Variants in TOGARAM2 observed in about 807,000 individuals in gnomAD.
TOGARAM2 encodes TOG array regulator of axonemal microtubules protein 2.
TOGARAM2 carries 85 observed loss-of-function variants against 93.3 expected under a neutral mutation model. The ratio of observed to expected loss-of-function variants is 0.91; its 90% confidence interval spans 0.76 to 1.09. The LOEUF (loss-of-function observed/expected upper bound fraction) is 1.09, where lower values mean the gene tolerates loss of function less well. Ranked by LOEUF, TOGARAM2 falls within the 50% of genes least tolerant of loss-of-function variation. TOGARAM2 has a pLI of 0.00. For missense variants in TOGARAM2, 1,277 were observed against 1,334.5 expected, an observed-to-expected ratio of 0.96 and a Z score of 0.67; for synonymous variants, 593 against 552.8, an observed-to-expected ratio of 1.07 and a Z score of -1.02.
chr2:28,957,330 G>A (rs1170396876), intron 1 of TOGARAM2, among the ~76,000 whole-genome samples: 4 of 152,006 alleles, frequency 2.6e-5, no homozygotes, highest in South Asian at 2.1e-4. Context: ...ACAGGCGCCC[G>A]CCACCACGCC....
intron 18 of TOGARAM2, among the ~76,000 whole-genome samples, chr2:29,037,415 A>G (rs1470188745): frequency 6.6e-6 from 1 of 152,232 alleles, no homozygotes. Flanking sequence ...AGCTTTCCCA[A>G]ACAAGCCTTG....
intron 14 of TOGARAM2, among the ~76,000 whole-genome samples, chr2:29,028,514 C>T (rs892657292): frequency 2.6e-5 from 4 of 152,184 alleles, no homozygotes; most frequent in Admixed American, 2.0e-4. Context: ...AATTTTTATC[C>T]ATCTAATGGG....
At position 29,036,777 on chromosome 2, in the gene TOGARAM2, C is replaced by T. The variant is rs1249342176; in HGVS notation, c.2635+20C>T. On this transcript the variant is annotated intron_variant, in intron 18 of 19. Transcript: ENST00000379558. ...GCCTGGGTGAGTGTCCCACGTGGGC[C>T]TGTGTGGCTCTGGTCACCATGTCCA... The T allele has an allele frequency of 1.2e-6, 2 of 1,600,862 alleles. No homozygotes were observed. The highest frequency in any genetic ancestry group is 2.3e-5 in the East Asian group (1 of 44,400).
chr2:28,975,879 C>T (rs1048136281), intron 1 of TOGARAM2, among the ~76,000 whole-genome samples: 7 of 152,156 alleles, frequency 4.6e-5, no homozygotes, highest in African/African-American at 7.2e-5. Context: ...CTATGCCTTT[C>T]CTCATTGCTG....
At chr2:28,972,074 A>G (rs1030863631) in intron 1 of TOGARAM2, among the ~76,000 whole-genome samples, 3 of 152,036 alleles carry the variant, frequency 2.0e-5, no homozygotes, top group Admixed American at 2.0e-4. Context: ...TGAGTTCAGT[A>G]TTATTTATTT....
At chr2:29,005,987 A>ATGTGTGTGGAGTGTG (rs1553339155) in intron 6 of TOGARAM2, among the ~76,000 whole-genome samples, 4 of 28,334 alleles carry the variant, frequency 1.4e-4, no homozygotes, top group Non-Finnish European at 4.9e-4. Flanking sequence ...GTATGAGTGC[A>ATGTGTGTGGAGTGTG]TGTGTAGGGT....
chr2:29,043,640 T>A (rs1320878796), intron 18 of TOGARAM2, among the ~76,000 whole-genome samples: 2 of 152,164 alleles, frequency 1.3e-5, no homozygotes, highest in African/African-American at 2.4e-5. Context: ...GCCACATCTC[T>A]GAAAAATGCA....
At position 29,003,680 on chromosome 2, in the gene TOGARAM2, G is replaced by T; in HGVS notation, c.828G>T (p.Thr276=). The change falls in exon 6 of 20, where the codon ACG becomes ACT. Residue 276 remains threonine, a splice_region_variant and synonymous_variant. Coordinates refer to ENST00000379558, the MANE Select transcript of TOGARAM2 (RefSeq NM_199280.4). ...TCACAGGCCTGAGGGCCCCACGCAC[G>T]CGGTAAGAGCTCCAAGTCAAACCTT... ...GVLTGLRAPR[T]RLARGSGPRE... is the part of the protein sequence containing the mutation. 6.6e-7 allele frequency: 1 copy of T among 1,524,750 alleles called. No homozygotes were observed. The highest frequency in any genetic ancestry group is 1.4e-5 in the African/African-American group (1 of 70,268). 94.5% of individuals were successfully genotyped at this position (1,524,750 alleles called of 1,614,324 possible). A position where few individuals can be genotyped will look rare whatever the true frequency, so the allele number is the denominator to read the frequency against.
chr2:29,050,702 C>T (rs12714256), intron 19 of TOGARAM2: 30,567 of 152,216 alleles, frequency 0.2, 4,156 homozygotes, highest in Middle Eastern at 0.36. Flanking sequence ...TGTTTGCCTG[C>T]CCCAGCACTT....
At chr2:29,039,965 CCCCTGGT>C (rs1255476305) in intron 18 of TOGARAM2, among the ~76,000 whole-genome samples, 4 of 152,200 alleles carry the variant, frequency 2.6e-5, no homozygotes, top group Admixed American at 2.6e-4. Flanking sequence ...TTTACTCCAG[CCCCTGGT>C]CAGTACTGGA....
At chr2:28,978,095 C>CG (rs1233562752), upstream of TOGARAM2, among the ~76,000 whole-genome samples, 2 of 152,072 alleles carry the variant, frequency 1.3e-5, no homozygotes, top group African/African-American at 4.8e-5. Context: ...TTGGTAGAGA[C>CG]GGGGTTTTAC....
intron 7 of TOGARAM2, among the ~76,000 whole-genome samples, chr2:29,012,017 C>A (rs1307221516): frequency 6.6e-6 from 1 of 152,166 alleles, no homozygotes; most frequent in Non-Finnish European, 1.5e-5. Context: ...GCCAGCTGGC[C>A]CCAGGAGCTT....
At chr2:29,048,598 C>CT (rs1666881572) in intron 19 of TOGARAM2, 1 of 151,124 alleles carries the variant, frequency 6.6e-6, no homozygotes, top group Non-Finnish European at 1.5e-5. Flanking sequence ...TACAGTTTGT[C>CT]TTTTTGTGTC....
rs542884546 is a variant in TOGARAM2 at position 29,051,872 on chromosome 2, G to A, written c.2839G>A (p.Gly947Arg). The stretch of plus-strand genomic sequence containing the variant: ...GAATGGCACCCTGCCTGGACCCAGC[G>A]GGAACATCCGCGGGGTGGTGTGCCG... ...TRNGTLPGPS[G>R]NIRGVVCRLS... Residue 947 changes from glycine (G) to arginine (R), a missense_variant, in exon 20 of 20, where the codon GGG becomes AGG. Physicochemically the swap from Gly to Arg is moderately radical, Grantham distance 125 (BLOSUM62 -2). Transcript: ENST00000379558. 1.6e-5 allele frequency: 25 copies of A among 1,572,924 alleles called. 1 individual carries two copies. The South Asian group carries it at 2.0e-4, about 12-fold the overall frequency.
intron 1 of TOGARAM2, among the ~76,000 whole-genome samples, chr2:28,966,295 T>TTTTA (rs1006169112): frequency 3.3e-5 from 5 of 152,070 alleles, no homozygotes; most frequent in African/African-American, 7.2e-5. Context: ...TTTTTTTCCT[T>TTTTA]TTTATTTATT....
chr2:28,998,989 G>A (rs944796127), intron 3 of TOGARAM2, among the ~76,000 whole-genome samples, 192 bp from the exon 4 acceptor site: 3 of 152,154 alleles, frequency 2.0e-5, no homozygotes, highest in Non-Finnish European at 4.4e-5. Flanking sequence ...CATGGGTCTT[G>A]TGAAGATTAG....
At chr2:29,016,058 C>A (rs1468211694) in intron 8 of TOGARAM2, among the ~76,000 whole-genome samples, 3 of 152,162 alleles carry the variant, frequency 2.0e-5, no homozygotes, top group Non-Finnish European at 4.4e-5. Flanking sequence ...CCTAATTATA[C>A]TTCCAACTGA....
chr2:29,018,436 C>T (rs1664729008), intron 10 of TOGARAM2: 1 of 154,380 alleles, frequency 6.5e-6, no homozygotes, highest in South Asian at 2.1e-4. Flanking sequence ...CATGGGGACG[C>T]TCTGTCCCCA....
intron 1 of TOGARAM2, among the ~76,000 whole-genome samples, chr2:28,960,250 A>G (rs1216584669): frequency 6.6e-6 from 1 of 152,204 alleles, no homozygotes; most frequent in East Asian, 1.9e-4. Context: ...TTTATTCTTA[A>G]CTACTTCAGG....
Sources: gnomAD v4.1 joint callset for allele counts (sites outside exome capture counted in the v4.1 genomes callset) on GRCh38, gnomAD v4.1.1 for gene constraint, MANE v1.5 for transcripts, NCBI Gene and HGNC (gene_info 2026-07-23, HGNC 2026-07-21) for gene names.